The following KIAA0825 variants were observed in gnomAD, a reference collection of about 807,000 sequenced individuals.
KIAA0825 encodes uncharacterized protein KIAA0825.
Under a neutral mutation model 147.6 loss-of-function variants are expected in KIAA0825, and 119 were observed. The observed-to-expected ratio is 0.81, with a 90% CI of 0.69 to 0.94. The LOEUF is 0.94. Among genes scored for constraint, KIAA0825 ranks in the 40% least tolerant of loss-of-function variants. KIAA0825 has a pLI of 0.00. For synonymous variants in KIAA0825, 470 were observed against 518.1 expected, an observed-to-expected ratio of 0.91 and a Z score of 1.26; for missense variants, 1,381 against 1,472.7, an observed-to-expected ratio of 0.94 and a Z score of 1.02.
chr5:94,605,537 T>C (rs1787344199), intron 1 of KIAA0825, among the ~76,000 whole-genome samples: 2 of 152,168 alleles, frequency 1.3e-5, no homozygotes, highest in Non-Finnish European at 2.9e-5. Flanking sequence ...GCAAACTGAA[T>C]CTAGCAGCAC....
At chr5:94,451,906 G>A (rs190671600) in intron 13 of KIAA0825, among the ~76,000 whole-genome samples, 62 of 152,282 alleles carry the variant, frequency 4.1e-4, no homozygotes, top group African/African-American at 1.3e-3. Flanking sequence ...AGATCCAGTC[G>A]TTTGTTACTT....
intron 20 of KIAA0825, among the ~76,000 whole-genome samples, chr5:94,241,217 A>G (rs925666477): frequency 6.6e-6 from 1 of 152,196 alleles, no homozygotes; most frequent in Non-Finnish European, 1.5e-5. Context: ...TGGCCCTTCT[A>G]TAAAAAAAGA....
At chr5:94,443,168 A>T (rs2150857782) in intron 13 of KIAA0825, among the ~76,000 whole-genome samples, 1 of 152,228 alleles carries the variant, frequency 6.6e-6, no homozygotes, top group South Asian at 2.1e-4. Context: ...ACTCACTATG[A>T]GGAAAAATAA....
At chr5:94,555,901 T>C (rs1776448518) in intron 2 of KIAA0825, among the ~76,000 whole-genome samples, 2 of 152,238 alleles carry the variant, frequency 1.3e-5, no homozygotes, top group South Asian at 4.1e-4. Context: ...AGATTAATGA[T>C]ATTAACTAAT....
chr5:94,316,550 A>C (rs1779679426), intron 20 of KIAA0825, among the ~76,000 whole-genome samples: 1 of 151,704 alleles, frequency 6.6e-6, no homozygotes, highest in African/African-American at 2.4e-5. Context: ...GTTCACATTG[A>C]TGGCTGTGGC....
chr5:94,253,006 A>G (rs981651657), intron 20 of KIAA0825, among the ~76,000 whole-genome samples: 8 of 152,234 alleles, frequency 5.3e-5, no homozygotes, highest in African/African-American at 1.7e-4. Context: ...ATTGTTTCCT[A>G]CCACTCTGAG....
chr5:94,512,220 GTTTA>G (rs1210912094), intron 5 of KIAA0825, among the ~76,000 whole-genome samples: 1 of 151,830 alleles, frequency 6.6e-6, no homozygotes, highest in African/African-American at 2.4e-5. Context: ...TCTTGCTAAT[GTTTA>G]TTTGTTTATT....
At chr5:94,267,997 A>G (rs1386387688) in intron 20 of KIAA0825, among the ~76,000 whole-genome samples, 1 of 152,126 alleles carries the variant, frequency 6.6e-6, no homozygotes, top group Non-Finnish European at 1.5e-5. Context: ...ATATGTTCTT[A>G]GTAGCCTGTC....
chr5:94,565,877 AT>A (rs1289033432), intron 2 of KIAA0825, among the ~76,000 whole-genome samples: 1 of 152,142 alleles, frequency 6.6e-6, no homozygotes, highest in Non-Finnish European at 1.5e-5. Flanking sequence ...AATACTTATC[AT>A]TTATTCTTCC....
intron 5 of KIAA0825, among the ~76,000 whole-genome samples, chr5:94,506,200 G>A (rs749944971): frequency 3.3e-5 from 5 of 152,234 alleles, no homozygotes; most frequent in South Asian, 4.2e-4. Flanking sequence ...TACCCATCCC[G>A]CATGAATGCC....
chr5:94,394,448 A>T (rs1376793200), intron 17 of KIAA0825, among the ~76,000 whole-genome samples: 1 of 152,138 alleles, frequency 6.6e-6, no homozygotes, highest in East Asian at 1.9e-4. Context: ...GCTCATTGTT[A>T]ATCAGCCAAA....
chr5:94,312,913 A>G (rs1014148679), intron 20 of KIAA0825, among the ~76,000 whole-genome samples: 1 of 151,680 alleles, frequency 6.6e-6, no homozygotes, highest in Admixed American at 6.6e-5. Context: ...AATATTCTTT[A>G]CTTTCTTTCC....
Position 94,462,391 on chromosome 5 carries a change from A to G in KIAA0825, c.2242T>C (p.Tyr748His). The change falls in exon 12 of 21, where the codon TAT (tyrosine) becomes CAT (histidine). Residue 748 changes from tyrosine to histidine, a missense_variant. Transcript: ENST00000682413. ...GAAAATACATTTGATACTTACTTAT[A>G]TAATTCTGTTAATGGTGAAGTCAAA... is the stretch of plus-strand genomic sequence containing the variant. Reference protein sequence around the residue: ...VILTSPLTELYKTFQHGLDES... With the variant: ...VILTSPLTELHKTFQHGLDES... The G allele has an allele frequency of 1.5e-6, 2 of 1,378,668 alleles. No individual in the cohort carries two copies. Among genetic ancestry groups the G allele is most frequent in the Non-Finnish European group, 2.0e-6 (2 of 1,010,480 alleles). 85.4% of individuals were successfully genotyped at this position (1,378,668 alleles called of 1,614,324 possible). A position where few individuals can be genotyped will look rare whatever the true frequency, so the allele number is the denominator to read the frequency against.
At chr5:94,188,642 G>C (rs1192251746) in intron 20 of KIAA0825, among the ~76,000 whole-genome samples, 3 of 152,004 alleles carry the variant, frequency 2.0e-5, no homozygotes, top group Non-Finnish European at 1.5e-5. Context: ...TTTGATAGTA[G>C]AGATATATCA....
chr5:94,322,855 A>C (rs1354292364), intron 20 of KIAA0825, among the ~76,000 whole-genome samples: 1 of 151,734 alleles, frequency 6.6e-6, no homozygotes, highest in Non-Finnish European at 1.5e-5. Flanking sequence ...TAAATTATTC[A>C]TTTTTATTGA....
chr5:94,153,515 T>C lies in KIAA0825; in HGVS notation c.*492A>G. On this transcript the variant is annotated 3_prime_UTR_variant, in exon 21 of 21. Coordinates refer to ENST00000682413, the MANE Select transcript of KIAA0825 (RefSeq NM_001145678.3). The stretch of plus-strand genomic sequence containing the variant: ...TTTTTTTTGACTATAATTAGATAAA[T>C]TGAATGAGGAAAGTTGACACAATTG... The C allele has an allele frequency of 6.6e-6, 1 of 152,238 alleles. No homozygotes were observed. 9.4% of individuals were successfully genotyped at this position (152,238 alleles called of 1,614,324 possible).
chr5:94,465,159 A>G (rs1760329604), intron 10 of KIAA0825, 100 bp from the exon 11 acceptor site: 2 of 1,122,508 alleles, frequency 1.8e-6, no homozygotes. Flanking sequence ...GGAAATAGCT[A>G]AAGAGTTTGA....
chr5:94,609,981 AAT>A (rs1052594364), intron 1 of KIAA0825, among the ~76,000 whole-genome samples: 1 of 152,216 alleles, frequency 6.6e-6, no homozygotes, highest in Non-Finnish European at 1.5e-5. Flanking sequence ...GGCTAGCATG[AAT>A]ATATGCTAGA....
intron 20 of KIAA0825, among the ~76,000 whole-genome samples, chr5:94,243,898 A>G (rs1426560931): frequency 6.6e-6 from 1 of 152,200 alleles, no homozygotes; most frequent in Non-Finnish European, 1.5e-5. Flanking sequence ...GCTCTTAATT[A>G]TAAATCGTCT....
Sources: gnomAD v4.1 joint callset for allele counts (sites outside exome capture counted in the v4.1 genomes callset) on GRCh38, gnomAD v4.1.1 for gene constraint, MANE v1.5 for transcripts, NCBI Gene and HGNC (gene_info 2026-07-23, HGNC 2026-07-21) for gene names.